The following CTPS2 variants were observed in gnomAD, a reference collection of about 807,000 sequenced individuals.
The protein encoded by CTPS2 is CTP synthase II.
Under a neutral mutation model 46.8 loss-of-function variants are expected in CTPS2, and 19 were observed. The observed-to-expected ratio is 0.41, with a 90% CI of 0.28 to 0.60. CTPS2 has a LOEUF of 0.60. Among genes scored for constraint, CTPS2 ranks in the 20% least tolerant of loss-of-function variants. The pLI is 0.35. For synonymous variants in CTPS2, 151 were observed against 165.2 expected (o/e 0.91, Z 0.66); for missense variants, 286 against 447.6 (o/e 0.64, Z 3.26).
chrX:16,710,705 G>A lies in CTPS2; in HGVS notation c.-40+1630C>T, dbSNP rs1195513399. 4.5e-5 allele frequency among the ~76,000 whole-genome samples: 5 copies of A among 111,281 alleles called. No individual in the cohort carries two copies. In the South Asian group the frequency reaches 1.1e-3, roughly 25 times the overall value. On this transcript the variant is annotated intron_variant, in intron 1 of 18. Coordinates refer to ENST00000359276, the MANE Select transcript of CTPS2 (RefSeq NM_175859.3). ...ACGATCTGGGCTCACTGCAACCTCC[G>A]CCTCCCGGGTTCAAGCAATTCTCCT...
chrX:16,709,889 A>C (rs748484561), intron 1 of CTPS2, among the ~76,000 whole-genome samples: 10 of 105,395 alleles, frequency 9.5e-5, no homozygotes, highest in Admixed American at 9.4e-4. Context: ...TTCTATCTTA[A>C]TTTGGTCAAA....
At chrX:16,620,524 C>G (rs955789306) in intron 14 of CTPS2, among the ~76,000 whole-genome samples, 192 bp from the exon 15 acceptor site, 2 of 111,874 alleles carry the variant, frequency 1.8e-5, no homozygotes, top group African/African-American at 6.5e-5. Context: ...CTTTGAAAAC[C>G]TGAAGCACTT....
At chrX:16,596,229 T>C (rs973064848) in intron 17 of CTPS2, among the ~76,000 whole-genome samples, 7 of 109,583 alleles carry the variant, frequency 6.4e-5, no homozygotes, top group African/African-American at 2.3e-4. Context: ...TTAGGGTACA[T>C]GTGCACAATG....
At chrX:16,639,379 G>A (rs774858621) in intron 13 of CTPS2, 136 bp from the exon 14 acceptor site, 26 of 518,990 alleles carry the variant, frequency 5.0e-5, no homozygotes, top group African/African-American at 1.2e-4. Flanking sequence ...TCTTTCCAAC[G>A]ATCATGTTCA....
chrX:16,621,299 G>A (rs907883598), intron 14 of CTPS2, among the ~76,000 whole-genome samples: 1 of 92,530 alleles, frequency 1.1e-5, no homozygotes, highest in Non-Finnish European at 2.2e-5. Flanking sequence ...ACCGGGGCTT[G>A]TCGGGGGGTA....
intron 9 of CTPS2, among the ~76,000 whole-genome samples, chrX:16,680,924 G>A (rs902776484): frequency 2.7e-5 from 3 of 111,263 alleles, no homozygotes; most frequent in Non-Finnish European, 5.7e-5. Flanking sequence ...GATGGCTCAC[G>A]CTTGTAATCC....
chrX:16,665,382 C>A (rs1921087977), intron 13 of CTPS2, among the ~76,000 whole-genome samples: 1 of 112,397 alleles, frequency 8.9e-6, no homozygotes, highest in African/African-American at 3.2e-5. Context: ...TGCAGATGTT[C>A]ATCAATGGAT....
intron 17 of CTPS2, among the ~76,000 whole-genome samples, chrX:16,597,844 T>C (rs1356989637): frequency 9.2e-6 from 1 of 109,173 alleles, no homozygotes; most frequent in African/African-American, 3.3e-5. Flanking sequence ...TGTTCTTCCA[T>C]TTGTTTGTAT....
In CTPS2 at chrX:16,589,355, A is replaced by G. The variant is rs1928772076; in HGVS notation, c.*462T>C. 1 of 112,047 alleles carries G rather than the reference A, an allele frequency of 8.9e-6. No individual in the cohort carries two copies. The highest frequency in any genetic ancestry group is 9.5e-5 in the Admixed American group (1 of 10,535). The allele number at this position is 112,047 out of a possible 1,213,427, so 9.2% of individuals were successfully genotyped here. A position where few individuals can be genotyped will look rare whatever the true frequency, so the allele number is the denominator to read the frequency against. On this transcript the variant is annotated 3_prime_UTR_variant, in exon 19 of 19. Transcript: ENST00000359276. ...ATAAACAGGGTGAGAAACTGCAATG[A>G]TCTTGGACCACACACAAATCTGTGG...
chrX:16,591,947 A>G lies in CTPS2; in HGVS notation c.1692-1085T>C, dbSNP rs775416479. ...TCTTTTTGCTCTATTATAACTCTCCATGACTCTCTACTCTTCATCAGGTCT... is the reference window on the plus strand; with the variant it reads ...TCTTTTTGCTCTATTATAACTCTCCGTGACTCTCTACTCTTCATCAGGTCT... On this transcript the variant is annotated intron_variant, in intron 17 of 18. Transcript: ENST00000359276. Among the ~76,000 whole-genome samples the G allele has an allele frequency of 2.7e-5, 3 of 111,844 alleles. No homozygotes were observed. In the South Asian group the frequency reaches 1.1e-3, roughly 42 times the overall value.
intron 15 of CTPS2, among the ~76,000 whole-genome samples, chrX:16,618,339 C>T (rs1456045952): frequency 4.5e-5 from 5 of 112,261 alleles, no homozygotes; most frequent in African/African-American, 9.7e-5. Flanking sequence ...CTTATCTATT[C>T]GCCAGTTGGT....
intron 1 of CTPS2, among the ~76,000 whole-genome samples, chrX:16,708,741 A>G (rs1237523139): frequency 9.0e-6 from 1 of 111,660 alleles, no homozygotes; most frequent in Non-Finnish European, 1.9e-5. Flanking sequence ...ATACTGTTCA[A>G]ATGACTCTCT....
intron 7 of CTPS2, 51 bp downstream of exon 7, chrX:16,691,489 G>A: frequency 1.0e-6 from 1 of 988,918 alleles, no homozygotes; most frequent in Non-Finnish European, 1.4e-6. Context: ...CAAAACACTG[G>A]CATCAGCAGA....
intron 10 of CTPS2, among the ~76,000 whole-genome samples, chrX:16,671,663 C>T (rs761461516): frequency 3.4e-4 from 37 of 108,167 alleles, no homozygotes; most frequent in African/African-American, 1.2e-3. Flanking sequence ...TACAAGCACA[C>T]GCCACCACGC....
intron 15 of CTPS2, among the ~76,000 whole-genome samples, chrX:16,617,542 T>C (rs1216223409): frequency 8.9e-6 from 1 of 112,237 alleles, no homozygotes; most frequent in Non-Finnish European, 1.9e-5. Flanking sequence ...TATAGCCATT[T>C]CCATGTTTGC....
intron 17 of CTPS2, among the ~76,000 whole-genome samples, chrX:16,594,704 C>T (rs1273525840): frequency 3.6e-5 from 4 of 112,135 alleles, no homozygotes; most frequent in South Asian, 7.5e-4. Flanking sequence ...TCTGCCAACA[C>T]ATCCAAATGG....
chrX:16,588,432 C>T lies in CTPS2; in HGVS notation c.*1385G>A, dbSNP rs1276328324. ...GCACAGAAGAACAATACAGAAAGGC[C>T]ATTTTCTTTGTATGACTAAAGCCTC... On this transcript the variant is annotated 3_prime_UTR_variant, in exon 19 of 19. Coordinates refer to ENST00000359276, the MANE Select transcript of CTPS2 (RefSeq NM_175859.3). 1.8e-5 allele frequency: 2 copies of T among 111,584 alleles called. No homozygotes were observed. Among genetic ancestry groups the T allele is most frequent in the Non-Finnish European group, 3.8e-5 (2 of 53,136 alleles). The allele number at this position is 111,584 out of a possible 1,213,427, so 9.2% of individuals were successfully genotyped here.
chrX:16,683,461 T>A (rs1030531278), intron 8 of CTPS2, among the ~76,000 whole-genome samples: 1 of 110,749 alleles, frequency 9.0e-6, no homozygotes, highest in Non-Finnish European at 1.9e-5. Flanking sequence ...TAGCCAGGCG[T>A]GGTGGGGCAT....
intron 15 of CTPS2, 40 bp from the exon 16 acceptor site, chrX:16,617,286 A>G: frequency 1.0e-6 from 1 of 996,349 alleles, no homozygotes; most frequent in Non-Finnish European, 1.4e-6. Flanking sequence ...GCCACAGTGC[A>G]ATACCAGCTG....
Sources: allele counts gnomAD v4.1 joint callset (sites outside exome capture counted in the v4.1 genomes callset), GRCh38; gene constraint gnomAD v4.1.1; transcripts MANE v1.5; gene names NCBI Gene and HGNC (gene_info 2026-07-23, HGNC 2026-07-21).